CACNA2D3: variants seen among roughly 807,000 people sequenced by gnomAD.
The protein encoded by CACNA2D3 is voltage-dependent calcium channel subunit alpha-2/delta-3.
CACNA2D3 carries 60 observed loss-of-function variants against 160.6 expected under a neutral mutation model. That is an observed-to-expected ratio of 0.37 (90% confidence interval 0.30 to 0.46). The LOEUF is 0.46. CACNA2D3 is among the 20% of genes least tolerant of loss of function. CACNA2D3 has a pLI of 1.00. For missense variants in CACNA2D3, 1,205 were observed against 1,365.0 expected, an observed-to-expected ratio of 0.88 and a Z score of 1.85; for synonymous variants, 558 against 492.9, an observed-to-expected ratio of 1.13 and a Z score of -1.75.
intron 4 of CACNA2D3, among the ~76,000 whole-genome samples, chr3:54,473,429 C>A (rs1700772699): frequency 6.6e-6 from 1 of 152,024 alleles, no homozygotes; most frequent in Non-Finnish European, 1.5e-5. Flanking sequence ...CCATAAAAAC[C>A]CTAGAAGAAA....
intron 10 of CACNA2D3, among the ~76,000 whole-genome samples, chr3:54,636,428 C>T (rs944156225): frequency 6.6e-6 from 1 of 151,886 alleles, no homozygotes; most frequent in African/African-American, 2.4e-5. Context: ...GTGAGTACAG[C>T]TGAAGGAGCC....
At chr3:54,128,813 A>G (rs1699648948) in intron 2 of CACNA2D3, among the ~76,000 whole-genome samples, 1 of 152,240 alleles carries the variant, frequency 6.6e-6, no homozygotes, top group African/African-American at 2.4e-5. Context: ...AAACTGAGAA[A>G]AAAATAAAAC....
At chr3:54,891,533 T>TC in intron 25 of CACNA2D3, 83 bp downstream of exon 25, 1 of 1,077,418 alleles carries the variant, frequency 9.3e-7, no homozygotes, top group Non-Finnish European at 1.4e-6. Context: ...ATTTCTTGAT[T>TC]CCACTACTGG....
chr3:54,241,335 T>C (rs1042612963), intron 2 of CACNA2D3, among the ~76,000 whole-genome samples: 31 of 152,286 alleles, frequency 2.0e-4, no homozygotes, highest in East Asian at 1.9e-3. Flanking sequence ...ATAATCCTTA[T>C]AGCCTACAGA....
intron 11 of CACNA2D3, among the ~76,000 whole-genome samples, chr3:54,746,479 CAAAAGG>C (rs1324615773): frequency 1.3e-5 from 2 of 152,038 alleles, no homozygotes; most frequent in Non-Finnish European, 2.9e-5. Context: ...GCAGTGAGTC[CAAAAGG>C]ACATGAGCAG....
At chr3:54,291,668 A>G (rs190978658) in intron 2 of CACNA2D3, among the ~76,000 whole-genome samples, 4 of 152,212 alleles carry the variant, frequency 2.6e-5, no homozygotes, top group Non-Finnish European at 4.4e-5. Context: ...AATATATGCT[A>G]TCTTTTTGAT....
At chr3:54,631,844 TATC>T (rs1263717503) in intron 10 of CACNA2D3, among the ~76,000 whole-genome samples, 5 of 152,232 alleles carry the variant, frequency 3.3e-5, no homozygotes, top group African/African-American at 4.8e-5. Context: ...CAACTGCAAT[TATC>T]ATTTTTGGCG....
chr3:54,123,162 G>T (rs924556390), intron 1 of CACNA2D3, among the ~76,000 whole-genome samples: 1 of 60,488 alleles, frequency 1.7e-5, no homozygotes, highest in African/African-American at 5.1e-5. Context: ...TCTTTTTTTG[G>T]GGGGGGGATG....
At chr3:55,007,112 A>G (rs1354150066) in intron 32 of CACNA2D3, among the ~76,000 whole-genome samples, 1 of 152,222 alleles carries the variant, frequency 6.6e-6, no homozygotes, top group Non-Finnish European at 1.5e-5. Flanking sequence ...AATTATCCAC[A>G]TAGGAAATAT....
At chr3:54,298,281 C>G (rs1227401861) in intron 2 of CACNA2D3, among the ~76,000 whole-genome samples, 2 of 152,212 alleles carry the variant, frequency 1.3e-5, no homozygotes, top group East Asian at 3.9e-4. Flanking sequence ...ATAATGTGAC[C>G]TGCTTTTACT....
chr3:54,565,682 C>T (rs1000498453), intron 6 of CACNA2D3, among the ~76,000 whole-genome samples: 3 of 152,122 alleles, frequency 2.0e-5, no homozygotes, highest in African/African-American at 4.8e-5. Context: ...AATGGCCACA[C>T]GTGGTTAGTA....
rs575345387 is a variant in CACNA2D3 at position 54,606,408 on chromosome 3, C to G, written c.964-21379C>G. 3.3e-5 allele frequency among the ~76,000 whole-genome samples: 5 copies of G among 152,172 alleles called. No individual in the cohort carries two copies. In the South Asian group the frequency reaches 8.3e-4, roughly 25 times the overall value. ...CAGTTAGAAGGTTACTGCCAAGATT[C>G]AGGAAACAGAGGATGGTGGCTCACC... On this transcript the variant is annotated intron_variant, in intron 9 of 37. Transcript: ENST00000474759.
rs1376620860 is a variant in CACNA2D3 at position 54,899,821 on chromosome 3, G to C, written c.2402G>C (p.Ser801Thr). The change falls in exon 27 of 38, where the codon AGT becomes ACT. Residue 801 changes from serine to threonine, a missense_variant. This residue lies in a region of CACNA2D3 where 911 missense variants were observed against 1,002.2 expected (regional missense o/e 0.91). Coordinates refer to ENST00000474759, the MANE Select transcript of CACNA2D3 (RefSeq NM_018398.3). ...PVNKSNVVTA[S>T]TSIQLLDERK... ...AATAAAAGCAATGTGGTGACAGCAA[G>C]TACATCCATCCAGCTCCTGGATGAA... 6.2e-7 allele frequency: 1 copy of C among 1,609,250 alleles called. No individual in the cohort carries two copies. Among genetic ancestry groups the C allele is most frequent in the East Asian group, 2.2e-5 (1 of 44,766 alleles).
At chr3:54,727,589 G>A (rs1701302559) in intron 11 of CACNA2D3, among the ~76,000 whole-genome samples, 2 of 152,158 alleles carry the variant, frequency 1.3e-5, no homozygotes, top group South Asian at 4.1e-4. Context: ...AAAACAGGAT[G>A]AGTTCATGTC....
intron 5 of CACNA2D3, among the ~76,000 whole-genome samples, chr3:54,512,300 C>T (rs2106964107): frequency 6.6e-6 from 1 of 152,308 alleles, no homozygotes; most frequent in East Asian, 1.9e-4. Flanking sequence ...ATGCTTCTTG[C>T]TTATCTGTGC....
At chr3:54,430,175 C>T (rs2106771050) in intron 4 of CACNA2D3, among the ~76,000 whole-genome samples, 1 of 152,178 alleles carries the variant, frequency 6.6e-6, no homozygotes, top group Non-Finnish European at 1.5e-5. Flanking sequence ...ATTTACAAGC[C>T]CCAAGCAAGT....
intron 12 of CACNA2D3, among the ~76,000 whole-genome samples, chr3:54,763,497 T>C (rs1702122624): frequency 6.6e-6 from 1 of 151,852 alleles, no homozygotes; most frequent in Non-Finnish European, 1.5e-5. Context: ...ATTTTTATGG[T>C]TCCTAGTTTT....
At chr3:54,687,440 A>G (rs1348161826) in intron 11 of CACNA2D3, among the ~76,000 whole-genome samples, 1 of 151,110 alleles carries the variant, frequency 6.6e-6, no homozygotes, top group Non-Finnish European at 1.5e-5. Flanking sequence ...ATGAGCCACC[A>G]TGCCCGGGCA....
chr3:54,462,753 T>C (rs546174681), intron 4 of CACNA2D3, among the ~76,000 whole-genome samples: 1 of 152,356 alleles, frequency 6.6e-6, no homozygotes, highest in East Asian at 1.9e-4. Flanking sequence ...TGTCTTTTAA[T>C]TGGAGCATTT....
Sources: gnomAD v4.1 joint callset for allele counts (sites outside exome capture counted in the v4.1 genomes callset) on GRCh38, gnomAD v4.1.1 for gene constraint, gnomAD v4.1.1 regional missense constraint, MANE v1.5 for transcripts, NCBI Gene and HGNC (gene_info 2026-07-23, HGNC 2026-07-21) for gene names.